BCLAF1: variants seen among roughly 807,000 people sequenced by gnomAD.
BCLAF1 encodes the protein BCL2 associated transcription factor 1, also known as bcl-2-associated transcription factor 1.
BCLAF1 carries 10 observed loss-of-function variants against 99.5 expected under a neutral mutation model. That is an observed-to-expected ratio of 0.10 (90% CI 0.06 to 0.17). BCLAF1 has a LOEUF of 0.17. Among genes scored for constraint, BCLAF1 ranks in the 10% least tolerant of loss-of-function variants. BCLAF1 has a pLI of 1.00. For synonymous variants in BCLAF1, 255 were observed against 370.9 expected (o/e 0.69, Z 3.59); for missense variants, 636 against 1,105.8 (o/e 0.58, Z 6.02).
chr6:136,284,782 G>T (rs886906247), intron 1 of BCLAF1, among the ~76,000 whole-genome samples: 1 of 152,030 alleles, frequency 6.6e-6, no homozygotes, highest in African/African-American at 2.4e-5. Flanking sequence ...TTCAGAGAGG[G>T]GAAGACAGAA....
At chr6:136,285,403 G>A (rs565684471) in intron 1 of BCLAF1, among the ~76,000 whole-genome samples, 38 of 152,270 alleles carry the variant, frequency 2.5e-4, no homozygotes, top group African/African-American at 9.1e-4. Flanking sequence ...GAAAACAAAA[G>A]ATGTGTTTGC....
intron 8 of BCLAF1, among the ~76,000 whole-genome samples, chr6:136,270,894 T>C (rs143810880): frequency 4.1e-4 from 63 of 151,896 alleles, no homozygotes; most frequent in African/African-American, 1.3e-3. Context: ...CCCAAGATAT[T>C]ATTTAAGTTA....
At position 136,256,719 on chromosome 6, in the gene BCLAF1, G is replaced by C. The variant is rs529207088; in HGVS notation, c.*4391C>G. The C allele has an allele frequency of 6.7e-6, 1 of 149,942 alleles. No individual in the cohort carries two copies. Among genetic ancestry groups the C allele is most frequent in the East Asian group, 2.0e-4 (1 of 5,014 alleles). 9.3% of individuals were successfully genotyped at this position (149,942 alleles called of 1,614,324 possible). The stretch of plus-strand genomic sequence containing the variant: ...AATAAATAAATAAATAATTCAAAGT[G>C]CATTTAACATTCTTTTTCACGGCCA... On this transcript the variant is annotated 3_prime_UTR_variant, in exon 13 of 13. Transcript: ENST00000531224.
In BCLAF1 at chr6:136,261,255, A is replaced by C; in HGVS notation, c.2757+10T>G. 6.2e-7 allele frequency: 1 copy of C among 1,607,656 alleles called. No homozygotes were observed. Among genetic ancestry groups the C allele is most frequent in the South Asian group, 1.1e-5 (1 of 89,228 alleles). On this transcript the variant is annotated intron_variant, in intron 12 of 12. Coordinates refer to ENST00000531224, the MANE Select transcript of BCLAF1 (RefSeq NM_014739.3). Reference sequence around the variant, plus strand: ...AAAATCTGTCAGAATCACAAGTTGAAATTTTATACCTTTTCTTCCTTGCGT... The same window carrying C: ...AAAATCTGTCAGAATCACAAGTTGACATTTTATACCTTTTCTTCCTTGCGT...
chr6:136,278,843 G>T, intron 3 of BCLAF1, 67 bp from the exon 4 acceptor site: 2 of 1,343,724 alleles, frequency 1.5e-6, no homozygotes, highest in Non-Finnish European at 2.0e-6. Flanking sequence ...TAAATACTCT[G>T]GTTGAATATA....
At chr6:136,271,863 A>G (rs1341484208) in intron 8 of BCLAF1, 132 bp downstream of exon 8, 28 of 662,428 alleles carry the variant, frequency 4.2e-5, no homozygotes, top group Non-Finnish European at 7.9e-6. Flanking sequence ...CAGTATGTAC[A>G]CTACCATAAT....
chr6:136,278,299 G>A lies in BCLAF1; in HGVS notation c.582C>T (p.Asp194=). The A allele has an allele frequency of 1.2e-6, 2 of 1,614,162 alleles. No homozygotes were observed. The highest frequency in any genetic ancestry group is 1.7e-6 in the Non-Finnish European group (2 of 1,180,012). ...QEEPKDTFEH[D]PSESIDEFNK... The stretch of plus-strand genomic sequence containing the variant: ...TAAATTCATCGATAGACTCAGATGG[G>A]TCATGTTCAAATGTATCTTTCGGTT... Residue 194 remains aspartate (D), a synonymous_variant, in exon 4 of 13, where the codon GAC becomes GAT. Transcript: ENST00000531224.
chr6:136,268,580 G>A, intron 9 of BCLAF1: 1 of 394,768 alleles, frequency 2.5e-6, no homozygotes, highest in South Asian at 3.2e-5. Context: ...AGTCTGTAAA[G>A]GTCAAGAATA....
chr6:136,272,061 T>C lies in BCLAF1; in HGVS notation c.1977A>G (p.Pro659=), dbSNP rs35951174. ...PEIHRRIDIS[P]STLRKHTRLA... ...AACGGGTATGCTTCCTCAGGGTACT[T>C]GGTGAGATGTCAATTCTCCTTAATG... The change falls in exon 8 of 13, where the codon CCA becomes CCG. Residue 659 remains proline, a synonymous_variant. Transcript: ENST00000531224. The C allele has an allele frequency of 4.2e-5, 68 of 1,600,138 alleles. No homozygotes were observed. The African/African-American group carries it at 8.5e-4, about 20-fold the overall frequency.
intron 12 of BCLAF1, 39 bp downstream of exon 12, chr6:136,261,225 CA>C (rs537502804): frequency 1.9e-5 from 30 of 1,597,074 alleles, no homozygotes; most frequent in South Asian, 1.0e-4. Context: ...AAACCTATAT[CA>C]AAAAAAATCT....
chr6:136,258,775 A>C lies in BCLAF1; in HGVS notation c.*2335T>G, dbSNP rs148041079. 5.9e-5 allele frequency: 9 copies of C among 152,642 alleles called. No homozygotes were observed. The highest frequency in any genetic ancestry group is 2.1e-4 in the South Asian group (1 of 4,824). The allele number at this position is 152,642 out of a possible 1,614,324, so 9.5% of individuals were successfully genotyped here. A position where few individuals can be genotyped will look rare whatever the true frequency, so the allele number is the denominator to read the frequency against. ...AGGAACAATAGTAATTCCTTGAAGA[A>C]GACTAACTGGAAAAAACATTTTGCT... On this transcript the variant is annotated 3_prime_UTR_variant, in exon 13 of 13. Transcript: ENST00000531224.
In BCLAF1 at chr6:136,278,105, G is replaced by C; in HGVS notation, c.776C>G (p.Ser259Cys). ...ATGCTGAATGGAATGTGAATGCTGA[G>C]AAGGAGTATTTTTTGCAGAGTGAAC... Reference protein sequence around the residue: ...STVHSAKNTPSQHSHSIQHSP... With the variant: ...STVHSAKNTPCQHSHSIQHSP... The change falls in exon 4 of 13, where the codon TCT (serine) becomes TGT (cysteine). Residue 259 changes from serine to cysteine, a missense_variant. Physicochemically the swap from Ser to Cys is moderately radical, Grantham distance 112. Transcript: ENST00000531224. 4 of 1,607,580 alleles carry C rather than the reference G, an allele frequency of 2.5e-6. No individual in the cohort carries two copies. The highest frequency in any genetic ancestry group is 3.4e-6 in the Non-Finnish European group (4 of 1,175,354).
chr6:136,258,292 A>T lies in BCLAF1; in HGVS notation c.*2818T>A, dbSNP rs1452463847. On this transcript the variant is annotated 3_prime_UTR_variant, in exon 13 of 13. Transcript: ENST00000531224. Reference sequence around the variant, plus strand: ...ATTAACGTAAGAAAACGAGGACTAAACTGGACATCCAGAATTCCTTTATTT... The same window carrying T: ...ATTAACGTAAGAAAACGAGGACTAATCTGGACATCCAGAATTCCTTTATTT... 6.6e-6 allele frequency: 1 copy of T among 152,098 alleles called. No homozygotes were observed. Among genetic ancestry groups the T allele is most frequent in the Non-Finnish European group, 1.5e-5 (1 of 67,930 alleles). The allele number at this position is 152,098 out of a possible 1,614,324, so 9.4% of individuals were successfully genotyped here.
Position 136,259,910 on chromosome 6 carries a change from A to G in BCLAF1, c.*1200T>C, listed in dbSNP as rs529399118. On this transcript the variant is annotated 3_prime_UTR_variant, in exon 13 of 13. Transcript: ENST00000531224. Reference sequence around the variant, plus strand: ...TCACTCCTTTAAGAGCTATCAATATAGACACAAAAGATAATTCACATTTGA... The same window carrying G: ...TCACTCCTTTAAGAGCTATCAATATGGACACAAAAGATAATTCACATTTGA... The G allele has an allele frequency of 6.6e-6, 1 of 152,022 alleles. No individual in the cohort carries two copies. Among genetic ancestry groups the G allele is most frequent in the Non-Finnish European group, 1.5e-5 (1 of 67,892 alleles). The allele number at this position is 152,022 out of a possible 1,614,324, so 9.4% of individuals were successfully genotyped here.
intron 7 of BCLAF1, among the ~76,000 whole-genome samples, chr6:136,272,300 T>G (rs1224774611): frequency 6.6e-6 from 1 of 151,916 alleles, no homozygotes; most frequent in African/African-American, 2.4e-5. Context: ...AGAAGTGAAG[T>G]CTGGCCTTTA....
chr6:136,269,066 G>GT, intron 9 of BCLAF1: 1 of 1,080,776 alleles, frequency 9.3e-7, no homozygotes, highest in South Asian at 2.1e-5. Flanking sequence ...CTAGATATCA[G>GT]TTTAAAATTC....
chr6:136,287,336 T>G (rs1172802817), intron 1 of BCLAF1, among the ~76,000 whole-genome samples: 4 of 152,106 alleles, frequency 2.6e-5, no homozygotes, highest in African/African-American at 9.7e-5. Flanking sequence ...AAAATTAAAG[T>G]GTTTGAAAAC....
chr6:136,273,384 A>G (rs1315481368), intron 6 of BCLAF1, 197 bp from the exon 7 acceptor site: 1 of 528,180 alleles, frequency 1.9e-6, no homozygotes, highest in Non-Finnish European at 3.4e-6. Context: ...AGTTGCTCAC[A>G]GGTCCCTGTC....
chr6:136,261,343 T>C lies in BCLAF1; in HGVS notation c.2679A>G (p.Gln893=). Reference sequence around the variant, plus strand: ...CTTCATCTTCAACAATCCCATCCCCTTGGTATTTGTCATGAGTCCATTTAG... The same window carrying C: ...CTTCATCTTCAACAATCCCATCCCCCTGGTATTTGTCATGAGTCCATTTAG... ...SSPKWTHDKY[Q]GDGIVEDEEE... Residue 893 remains glutamine, a synonymous_variant, in exon 12 of 13, where the codon CAA becomes CAG. Coordinates refer to ENST00000531224, the MANE Select transcript of BCLAF1 (RefSeq NM_014739.3). The C allele has an allele frequency of 6.2e-7, 1 of 1,613,982 alleles. No individual in the cohort carries two copies. The highest frequency in any genetic ancestry group is 1.3e-5 in the African/African-American group (1 of 75,054).
Sources: allele counts gnomAD v4.1 joint callset (sites outside exome capture counted in the v4.1 genomes callset), GRCh38; gene constraint gnomAD v4.1.1; transcripts MANE v1.5; gene names NCBI Gene and HGNC (gene_info 2026-07-23, HGNC 2026-07-21).